The following CDIN1 variants were observed in gnomAD, a reference collection of about 807,000 sequenced individuals.
CDIN1 encodes the protein CDAN1 interacting nuclease 1.
In CDIN1, 33 loss-of-function variants were observed where a neutral mutation model predicts 45.3. The ratio of observed to expected loss-of-function variants is 0.73; its 90% CI spans 0.55 to 0.97. CDIN1 has a LOEUF of 0.97. Ranked by LOEUF, CDIN1 falls within the 50% of genes least tolerant of loss-of-function variation. The pLI is 0.00. For missense variants in CDIN1, 303 were observed against 339.4 expected (o/e 0.89, Z 0.84); for synonymous variants, 118 against 124.4 (o/e 0.95, Z 0.34).
At position 36,703,233 on chromosome 15, in the gene CDIN1, T is replaced by TATA. The variant is rs1555397241; in HGVS notation, c.544+5843_544+5844insATA. On this transcript the variant is annotated intron_variant, in intron 8 of 10. Coordinates refer to ENST00000566621, the MANE Select transcript of CDIN1 (RefSeq NM_001321759.2). ...ACCCTGTCTCAAATATATATATATATCAGATATATATATATCAGAAAGGGA... is the reference window on the plus strand; with the variant it reads ...ACCCTGTCTCAAATATATATATATATATACAGATATATATATATCAGAAAGGGA... Among the ~76,000 whole-genome samples the TATA allele has an allele frequency of 5.2e-4, 33 of 63,940 alleles. 2 individuals are homozygous for TATA. Among genetic ancestry groups the TATA allele is most frequent in the East Asian group, 1.9e-3 (3 of 1,594 alleles). 41.9% of individuals were successfully genotyped at this position (63,940 alleles called of 152,430 possible).
At chr15:36,684,322 A>G (rs1409884160) in intron 5 of CDIN1, among the ~76,000 whole-genome samples, 1 of 152,150 alleles carries the variant, frequency 6.6e-6, no homozygotes, top group African/African-American at 2.4e-5. Flanking sequence ...TTCTGCATAT[A>G]TTGAGATAAT....
chr15:36,623,007 G>T (rs1026101501), intron 1 of CDIN1, among the ~76,000 whole-genome samples: 4 of 152,282 alleles, frequency 2.6e-5, no homozygotes, highest in East Asian at 1.9e-4. Context: ...ATTCAAATTT[G>T]GGGAGAATCT....
intron 10 of CDIN1, among the ~76,000 whole-genome samples, chr15:36,780,990 G>A (rs2054336683): frequency 6.6e-6 from 1 of 152,082 alleles, no homozygotes; most frequent in Non-Finnish European, 1.5e-5. Context: ...GTTTCAAAAG[G>A]TCCAAGGACG....
intron 10 of CDIN1, among the ~76,000 whole-genome samples, chr15:36,762,977 G>A (rs1346582662): frequency 6.6e-6 from 1 of 152,104 alleles, no homozygotes; most frequent in Non-Finnish European, 1.5e-5. Context: ...CTTTATAGCA[G>A]CATGATTTAT....
rs530540788 is a variant in CDIN1 at position 36,708,559 on chromosome 15, A to G, written c.545-664A>G. Reference sequence around the variant, plus strand: ...TGCCTTCTTTCCTTCCTAATAGATCATTGATATTTACAGGGGACTAAGAAA... The same window carrying G: ...TGCCTTCTTTCCTTCCTAATAGATCGTTGATATTTACAGGGGACTAAGAAA... On this transcript the variant is annotated intron_variant, in intron 8 of 10. Coordinates refer to ENST00000566621, the MANE Select transcript of CDIN1 (RefSeq NM_001321759.2). The G allele has an allele frequency of 3.4e-5, 5 of 149,122 alleles. No homozygotes were observed. In the East Asian group the frequency reaches 9.9e-4, roughly 29 times the overall value. The allele number at this position is 149,122 out of a possible 1,614,324, so 9.2% of individuals were successfully genotyped here. A position where few individuals can be genotyped will look rare whatever the true frequency, so the allele number is the denominator to read the frequency against.
chr15:36,800,227 C>T (rs1450800775), intron 10 of CDIN1, among the ~76,000 whole-genome samples: 5 of 152,144 alleles, frequency 3.3e-5, no homozygotes, highest in African/African-American at 1.2e-4. Context: ...TCATAGCCAA[C>T]ATGCATAGAT....
intron 10 of CDIN1, among the ~76,000 whole-genome samples, chr15:36,721,770 T>TTC (rs140313300): frequency 1.2e-3 from 187 of 149,698 alleles, no homozygotes; most frequent in African/African-American, 3.5e-3. Context: ...TTCCTGGAAT[T>TTC]TCTCTCTCTC....
chr15:36,785,235 A>G (rs973279881), intron 10 of CDIN1, among the ~76,000 whole-genome samples: 2 of 152,194 alleles, frequency 1.3e-5, no homozygotes, highest in South Asian at 4.1e-4. Context: ...GTTCTCATAG[A>G]CTTTGGTTCC....
At chr15:36,711,748 A>C (rs975480607) in intron 10 of CDIN1, among the ~76,000 whole-genome samples, 1 of 152,200 alleles carries the variant, frequency 6.6e-6, no homozygotes, top group African/African-American at 2.4e-5. Flanking sequence ...AGATCATTTA[A>C]GGAGTAAACG....
At chr15:36,746,713 T>A in intron 10 of CDIN1, among the ~76,000 whole-genome samples, 1 of 122,582 alleles carries the variant, frequency 8.2e-6, no homozygotes, top group African/African-American at 3.1e-5. Context: ...ACTTTGTGAG[T>A]AAAAGAAAAC....
intron 10 of CDIN1, among the ~76,000 whole-genome samples, chr15:36,724,686 C>T (rs1645013192): frequency 6.6e-6 from 1 of 152,102 alleles, no homozygotes; most frequent in Non-Finnish European, 1.5e-5. Flanking sequence ...GGAAAGAAGA[C>T]ACTTGTGACA....
chr15:36,786,879 TCTTGACTTCTGTGATA>T (rs2054505010), intron 10 of CDIN1, among the ~76,000 whole-genome samples: 1 of 151,976 alleles, frequency 6.6e-6, no homozygotes, highest in Non-Finnish European at 1.5e-5. Flanking sequence ...TCAAACCCAC[TCTTGACTTCTGTGATA>T]CCACTCTTTC....
intron 5 of CDIN1, among the ~76,000 whole-genome samples, chr15:36,658,923 T>C (rs533842355): frequency 4.6e-5 from 7 of 152,188 alleles, no homozygotes; most frequent in Non-Finnish European, 1.0e-4. Context: ...TTCAATATCA[T>C]TTCAATAGAT....
chr15:36,685,450 T>A (rs1202251751), intron 5 of CDIN1, among the ~76,000 whole-genome samples: 1 of 151,996 alleles, frequency 6.6e-6, no homozygotes, highest in Non-Finnish European at 1.5e-5. Context: ...AGAGATAGTT[T>A]GTTATAATTT....
intron 10 of CDIN1, among the ~76,000 whole-genome samples, chr15:36,795,233 A>T (rs1324444656): frequency 3.3e-5 from 5 of 152,212 alleles, no homozygotes; most frequent in Non-Finnish European, 5.9e-5. Context: ...ATAGCAGAGT[A>T]GGGTGACTGT....
chr15:36,641,424 G>C (rs2040101023), intron 1 of CDIN1: 1 of 152,192 alleles, frequency 6.6e-6, no homozygotes, highest in African/African-American at 2.4e-5. Context: ...TCTAGACTTG[G>C]ACAGGGCTTT....
At chr15:36,697,266 G>C in intron 7 of CDIN1, 57 bp from the exon 8 acceptor site, 2 of 1,467,570 alleles carry the variant, frequency 1.4e-6, no homozygotes, top group Non-Finnish European at 1.9e-6. Context: ...CCTGGTATTA[G>C]CGTTTTCCTG....
chr15:36,654,157 A>G lies in CDIN1; in HGVS notation c.272A>G (p.Glu91Gly). Residue 91 changes from glutamate to glycine, a missense_variant and splice_region_variant, in exon 4 of 11, where the codon GAG becomes GGG. Physicochemically the swap from Glu to Gly is moderately conservative, Grantham distance 98 (BLOSUM62 -2). Transcript: ENST00000566621. Reference sequence around the variant, plus strand: ...CCAGTGCTCCTGGACCTGGCCAATGAGGTAATGTTATTGTTATGATTTTAT... The same window carrying G: ...CCAGTGCTCCTGGACCTGGCCAATGGGGTAATGTTATTGTTATGATTTTAT... ...AAPVLLDLANEVDYAPSLMAR... is the reference protein window; with the variant it reads ...AAPVLLDLANGVDYAPSLMAR... 6.4e-7 allele frequency: 1 copy of G among 1,566,476 alleles called. No individual in the cohort carries two copies. The highest frequency in any genetic ancestry group is 8.7e-7 in the Non-Finnish European group (1 of 1,153,316).
intron 3 of CDIN1, among the ~76,000 whole-genome samples, chr15:36,651,458 T>A (rs1410216005): frequency 6.6e-6 from 1 of 152,348 alleles, no homozygotes; most frequent in East Asian, 1.9e-4. Context: ...TGATTACATA[T>A]CTGAAAATTT....
Sources: allele counts gnomAD v4.1 joint callset (sites outside exome capture counted in the v4.1 genomes callset), GRCh38; gene constraint gnomAD v4.1.1; transcripts MANE v1.5; gene names NCBI Gene and HGNC (gene_info 2026-07-23, HGNC 2026-07-21).